CCDC169: variants seen among roughly 807,000 people sequenced by gnomAD.
The protein encoded by CCDC169 is coiled-coil domain containing 169, also known as coiled-coil domain-containing protein 169.
Under a neutral mutation model 36.0 loss-of-function variants are expected in CCDC169, and 30 were observed. The ratio of observed to expected loss-of-function variants is 0.83; its 90% CI spans 0.62 to 1.13. The LOEUF is 1.13. Ranked by LOEUF, CCDC169 falls within the 50% of genes most tolerant of loss-of-function variation. The pLI is 0.00. For missense variants in CCDC169, 245 were observed against 245.9 expected, an observed-to-expected ratio of 1.00 and a Z score of 0.03; for synonymous variants, 85 against 81.5, an observed-to-expected ratio of 1.04 and a Z score of -0.23.
intron 4 of CCDC169, among the ~76,000 whole-genome samples, chr13:36,264,425 T>C (rs988310103): frequency 1.3e-5 from 2 of 149,312 alleles, no homozygotes; most frequent in East Asian, 2.0e-4. Flanking sequence ...ATTTGAGCAA[T>C]AAATAAAAAA....
At chr13:36,274,790 C>T (rs1020732114) in intron 4 of CCDC169, among the ~76,000 whole-genome samples, 6 of 151,532 alleles carry the variant, frequency 4.0e-5, no homozygotes, top group Non-Finnish European at 8.8e-5. Flanking sequence ...TGTTTACACA[C>T]CTGAAATAAA....
Position 36,283,594 on chromosome 13 carries a change from G to C in CCDC169, c.272C>G (p.Ser91Ter). ...EKVEKIHGNS[S>*]DRLSSIRVYE... ...TGTACATATGATTGGTTTTGTACCT[G>C]AAGAGTTTCCATGGATTTTTTCCAC... The change falls in exon 3 of 8, where the codon TCA becomes TGA. Residue 91 changes from serine (S) to a stop codon, truncating the protein, a stop_gained and splice_region_variant. Coordinates refer to ENST00000239859, the MANE Select transcript of CCDC169 (RefSeq NM_001144981.3). LOFTEE classifies it high-confidence loss of function. 6 of 1,551,254 alleles carry C rather than the reference G, an allele frequency of 3.9e-6. No homozygotes were observed. Among genetic ancestry groups the C allele is most frequent in the Non-Finnish European group, 5.2e-6 (6 of 1,146,780 alleles).
intron 2 of CCDC169, among the ~76,000 whole-genome samples, chr13:36,285,630 C>G (rs866504754): frequency 7.3e-4 from 64 of 88,204 alleles, no homozygotes; most frequent in African/African-American, 1.7e-3. Context: ...TACATAGATA[C>G]ATAGATACAT....
intron 4 of CCDC169, among the ~76,000 whole-genome samples, chr13:36,261,527 T>G (rs1381274385): frequency 3.3e-5 from 5 of 151,914 alleles, no homozygotes; most frequent in Non-Finnish European, 7.3e-5. Flanking sequence ...GAGAAGGAAG[T>G]TTGTTTGTTT....
chr13:36,231,361 C>G (rs1301590054), intron 7 of CCDC169, 69 bp from the exon 8 acceptor site: 3 of 1,439,124 alleles, frequency 2.1e-6, no homozygotes, highest in Non-Finnish European at 2.8e-6. Context: ...TTATAGGCCA[C>G]ACAGGAAGAA....
chr13:36,263,112 A>G (rs1874803256), intron 4 of CCDC169, among the ~76,000 whole-genome samples: 1 of 152,172 alleles, frequency 6.6e-6, no homozygotes, highest in African/African-American at 2.4e-5. Flanking sequence ...GATTAATAGA[A>G]TTAAGCAGTT....
intron 7 of CCDC169, among the ~76,000 whole-genome samples, chr13:36,233,136 C>A (rs1319230921): frequency 6.6e-6 from 1 of 152,140 alleles, no homozygotes; most frequent in Non-Finnish European, 1.5e-5. Context: ...ACACACAGAG[C>A]CCATCAGCAA....
At chr13:36,258,931 A>C (rs1245640314) in intron 4 of CCDC169, among the ~76,000 whole-genome samples, 4 of 152,144 alleles carry the variant, frequency 2.6e-5, no homozygotes, top group African/African-American at 9.7e-5. Context: ...TTACAGTGTG[A>C]CTGGCCATGT....
intron 1 of CCDC169, among the ~76,000 whole-genome samples, chr13:36,296,425 A>T (rs1299126081): frequency 6.6e-6 from 1 of 152,212 alleles, no homozygotes; most frequent in Non-Finnish European, 1.5e-5. Flanking sequence ...CTTAAATATC[A>T]TCCTAAAGAA....
downstream of CCDC169, among the ~76,000 whole-genome samples, chr13:36,228,413 T>A (rs1870076652): frequency 6.6e-6 from 1 of 152,222 alleles, no homozygotes; most frequent in African/African-American, 2.4e-5. Flanking sequence ...TTAAATTTTT[T>A]AATATATATT....
chr13:36,286,393 G>A (rs1878258851), intron 2 of CCDC169, among the ~76,000 whole-genome samples: 1 of 152,156 alleles, frequency 6.6e-6, no homozygotes, highest in Admixed American at 6.5e-5. Flanking sequence ...AGACTTGGCT[G>A]CCAGTGAAAC....
At chr13:36,231,402 A>T (rs1252273709) in intron 7 of CCDC169, 110 bp from the exon 8 acceptor site, 1 of 1,053,046 alleles carries the variant, frequency 9.5e-7, no homozygotes, top group Middle Eastern at 2.1e-4. Context: ...CCCCCAACAG[A>T]CCTTCACACG....
At position 36,253,839 on chromosome 13, in the gene CCDC169, G is replaced by T; in HGVS notation, c.432C>A (p.Asn144Lys). The stretch of plus-strand genomic sequence containing the variant: ...CAGCTAGGTATGTACGGCGTTCATT[G>T]TTGATCTTCTGGTAAGCCTGTGTGA... ...EQESKAYQKINNERRTYLAEM... is the reference protein window; with the variant it reads ...EQESKAYQKIKNERRTYLAEM... Residue 144 changes from asparagine to lysine, a missense_variant, in exon 6 of 8, where the codon AAC becomes AAA. Asn to Lys is a moderately conservative substitution (Grantham distance 94). Coordinates refer to ENST00000239859, the MANE Select transcript of CCDC169 (RefSeq NM_001144981.3). 2 of 1,551,230 alleles carry T rather than the reference G, an allele frequency of 1.3e-6. No homozygotes were observed. Among genetic ancestry groups the T allele is most frequent in the South Asian group, 1.2e-5 (1 of 83,862 alleles).
chr13:36,285,989 C>A (rs781094727), intron 2 of CCDC169, among the ~76,000 whole-genome samples: 3 of 152,170 alleles, frequency 2.0e-5, no homozygotes, highest in Non-Finnish European at 4.4e-5. Flanking sequence ...TACTGGACCT[C>A]GCTTTTGTTA....
Position 36,240,555 on chromosome 13 carries a change from C to T in CCDC169, c.545+8051G>A, listed in dbSNP as rs1212281705. The T allele has an allele frequency of 1.3e-5, 15 of 1,176,594 alleles. No individual in the cohort carries two copies. The South Asian group carries it at 2.1e-4, about 16-fold the overall frequency. The allele number at this position is 1,176,594 out of a possible 1,614,324, so 72.9% of individuals were successfully genotyped here. A position where few individuals can be genotyped will look rare whatever the true frequency, so the allele number is the denominator to read the frequency against. On this transcript the variant is annotated intron_variant, in intron 7 of 7. Coordinates refer to ENST00000239859, the MANE Select transcript of CCDC169 (RefSeq NM_001144981.3). The stretch of plus-strand genomic sequence containing the variant: ...CAGAATCAGAAGGATACGCCCCTAA[C>T]AATCTGTCTCTTACCAAGTCCTAGT...
intron 4 of CCDC169, among the ~76,000 whole-genome samples, chr13:36,265,497 A>C (rs1875163053): frequency 6.6e-6 from 1 of 152,246 alleles, no homozygotes; most frequent in Non-Finnish European, 1.5e-5. Context: ...TAATTGTTTA[A>C]GTCTGCAGTA....
At chr13:36,269,291 A>G (rs1378839026) in intron 4 of CCDC169, among the ~76,000 whole-genome samples, 1 of 152,190 alleles carries the variant, frequency 6.6e-6, no homozygotes, top group African/African-American at 2.4e-5. Context: ...AAAGTTGCCA[A>G]CAACAATAAG....
chr13:36,233,064 G>A (rs932575087), intron 7 of CCDC169, among the ~76,000 whole-genome samples: 34 of 152,308 alleles, frequency 2.2e-4, no homozygotes, highest in Admixed American at 3.3e-4. Context: ...CAAGCAGGAA[G>A]TAAAGAATAA....
intron 6 of CCDC169, among the ~76,000 whole-genome samples, chr13:36,252,067 CAATGCCATTACAGTCTGGTCTTTTCATCA>C (rs1873238582): frequency 6.6e-6 from 1 of 152,172 alleles, no homozygotes; most frequent in Non-Finnish European, 1.5e-5. Flanking sequence ...TTCAGATTTG[CAATGCCATTACAGTCTGGTCTTTTCATCA>C]TGTCATGGCC....
Sources: allele counts gnomAD v4.1 joint callset (sites outside exome capture counted in the v4.1 genomes callset), GRCh38; gene constraint gnomAD v4.1.1; transcripts MANE v1.5; gene names NCBI Gene and HGNC (gene_info 2026-07-23, HGNC 2026-07-21).